The following ACTR3B variants were observed in gnomAD, a reference collection of about 807,000 sequenced individuals.
ACTR3B encodes the protein actin related protein 3B.
Under a neutral mutation model 59.0 loss-of-function variants are expected in ACTR3B, and 8 were observed. The ratio of observed to expected loss-of-function variants is 0.14; its 90% CI spans 0.08 to 0.24. ACTR3B has a LOEUF of 0.24. ACTR3B is among the 10% of genes least tolerant of loss of function. The probability of loss-of-function intolerance (pLI) is 1.00; values close to 1 mark genes in which losing one functional copy is unlikely to be tolerated. For synonymous variants in ACTR3B, 148 were observed against 197.9 expected (o/e 0.75, Z 2.12); for missense variants, 245 against 552.3 (o/e 0.44, Z 5.58).
At chr7:152,802,737 G>A (rs4726211) in intron 4 of ACTR3B, among the ~76,000 whole-genome samples, 67,339 of 151,858 alleles carry the variant, frequency 0.44, 17,552 homozygotes, top group East Asian at 0.72. Context: ...TTTCATGCAA[G>A]TACGTTGTCA....
At chr7:152,766,252 G>A (rs1210652459) in intron 1 of ACTR3B, among the ~76,000 whole-genome samples, 1 of 152,194 alleles carries the variant, frequency 6.6e-6, no homozygotes, top group Non-Finnish European at 1.5e-5. Flanking sequence ...CGTGCAGGAT[G>A]CAGTTAATTC....
Position 152,816,526 on chromosome 7 carries a change from G to A in ACTR3B, c.478G>A (p.Glu160Lys), listed in dbSNP as rs1795710220. 6.2e-7 allele frequency: 1 copy of A among 1,607,844 alleles called. No homozygotes were observed. Among genetic ancestry groups the A allele is most frequent in the Non-Finnish European group, 8.5e-7 (1 of 1,176,850 alleles). Reference protein sequence around the residue: ...AASWTSRQVGERTLTGIVIDS... With the variant: ...AASWTSRQVGKRTLTGIVIDS... ...ATCTTGGACATCTCGACAAGTGGGT[G>A]AACGTACGTTAACGGGGATAGTCAT... is the stretch of plus-strand genomic sequence containing the variant. The change falls in exon 6 of 12, where the codon GAA (glutamate) becomes AAA (lysine). Residue 160 changes from glutamate to lysine, a missense_variant. Coordinates refer to ENST00000256001, the MANE Select transcript of ACTR3B (RefSeq NM_020445.6).
chr7:152,792,671 C>T (rs1211145648), intron 2 of ACTR3B, among the ~76,000 whole-genome samples: 2 of 152,024 alleles, frequency 1.3e-5, no homozygotes, highest in Non-Finnish European at 2.9e-5. Context: ...TTGCTTGAAC[C>T]TGGGAGGTGG....
intron 1 of ACTR3B, among the ~76,000 whole-genome samples, chr7:152,764,087 C>A (rs1048224755): frequency 6.6e-6 from 1 of 151,620 alleles, no homozygotes; most frequent in Admixed American, 6.6e-5. Context: ...CTCACTACAA[C>A]CTCTGCCTCC....
At chr7:152,797,323 C>G (rs2098220864) in intron 2 of ACTR3B, among the ~76,000 whole-genome samples, 1 of 152,096 alleles carries the variant, frequency 6.6e-6, no homozygotes, top group South Asian at 2.1e-4. Flanking sequence ...TCAAGCTATC[C>G]TCCTGCCTTA....
intron 4 of ACTR3B, among the ~76,000 whole-genome samples, chr7:152,805,629 A>G (rs1314801400): frequency 2.6e-5 from 4 of 152,002 alleles, no homozygotes; most frequent in African/African-American, 9.7e-5. Context: ...CTGAATCACA[A>G]TTGCGTTATG....
At chr7:152,779,012 T>G (rs1467846158) in intron 1 of ACTR3B, among the ~76,000 whole-genome samples, 1 of 145,624 alleles carries the variant, frequency 6.9e-6, no homozygotes, top group Non-Finnish European at 1.5e-5. Context: ...TCTTCTGAAC[T>G]TCTGACCAGT....
chr7:152,803,509 C>T (rs939787993), intron 4 of ACTR3B, among the ~76,000 whole-genome samples: 1 of 152,190 alleles, frequency 6.6e-6, no homozygotes, highest in African/African-American at 2.4e-5. Context: ...ATTTTAGGAG[C>T]AGGCACCGAG....
rs530041931 is a variant in ACTR3B, at chr7:152,838,422, A to G, written c.951+13300A>G. ...AAGCTGGAAACCATCATTCTCAGCA[A>G]ACTATCACAGGAACAGAAAACCAAA... On this transcript the variant is annotated intron_variant, in intron 9 of 11. Transcript: ENST00000256001. 9.0e-4 allele frequency among the ~76,000 whole-genome samples: 137 copies of G among 152,346 alleles called. 1 individual carries two copies. Among genetic ancestry groups the G allele is most frequent in the Non-Finnish European group, 1.6e-3 (111 of 68,034 alleles).
intron 1 of ACTR3B, among the ~76,000 whole-genome samples, chr7:152,765,130 TTC>T (rs869076812): frequency 3.7e-4 from 51 of 138,900 alleles, no homozygotes; most frequent in African/African-American, 1.1e-3. Flanking sequence ...TTTTTTTTTT[TTC>T]CGGAGACAGA....
At chr7:152,788,245 T>C (rs1222634609) in intron 2 of ACTR3B, among the ~76,000 whole-genome samples, 1 of 151,976 alleles carries the variant, frequency 6.6e-6, no homozygotes, top group African/African-American at 2.4e-5. Flanking sequence ...TGTGAGCCAC[T>C]GTGCCCGGCC....
chr7:152,760,198 C>T (rs2098084928), intron 1 of ACTR3B, among the ~76,000 whole-genome samples: 1 of 152,110 alleles, frequency 6.6e-6, no homozygotes, highest in African/African-American at 2.4e-5. Flanking sequence ...TCCTCGCCTC[C>T]CCCGCCCACG....
chr7:152,835,730 A>T (rs1437468807), intron 9 of ACTR3B, among the ~76,000 whole-genome samples: 1 of 152,092 alleles, frequency 6.6e-6, no homozygotes, highest in African/African-American at 2.4e-5. Flanking sequence ...GCTTTTTCCC[A>T]CGTCATTTTG....
intron 1 of ACTR3B, among the ~76,000 whole-genome samples, chr7:152,780,593 C>A (rs1223219793): frequency 6.6e-6 from 1 of 151,848 alleles, no homozygotes; most frequent in African/African-American, 2.4e-5. Flanking sequence ...GTGCTCAAGT[C>A]TGTTTTTGTA....
chr7:152,780,074 C>T (rs760456576), intron 1 of ACTR3B, among the ~76,000 whole-genome samples: 1 of 152,094 alleles, frequency 6.6e-6, no homozygotes, highest in African/African-American at 2.4e-5. Flanking sequence ...AATATTAGGG[C>T]CAGGCACGGT....
rs1796436473 is a variant in ACTR3B at position 152,824,711 on chromosome 7, A to G, written c.859-319A>G. Among the ~76,000 whole-genome samples, 1 of 152,216 alleles carries G rather than the reference A, an allele frequency of 6.6e-6. No individual in the cohort carries two copies. The highest frequency in any genetic ancestry group is 2.4e-5 in the African/African-American group (1 of 41,442). On this transcript the variant is annotated intron_variant, in intron 8 of 11. Coordinates refer to ENST00000256001, the MANE Select transcript of ACTR3B (RefSeq NM_020445.6). This position sits in a 1 kb window ranked among gnomAD's most constrained non-coding sequence, Gnocchi z 4.2. ...TCATGTTTCTCACTGCGTGTCACAT[A>G]GATCGTGCACATACTCTCCACTGCT...
chr7:152,806,955 C>T (rs2098254022), intron 4 of ACTR3B, among the ~76,000 whole-genome samples: 1 of 152,232 alleles, frequency 6.6e-6, no homozygotes, highest in Non-Finnish European at 1.5e-5. Context: ...GCTGCTTTCA[C>T]AACTCTGGCT....
At chr7:152,804,907 A>G (rs967060473) in intron 4 of ACTR3B, among the ~76,000 whole-genome samples, 4 of 152,102 alleles carry the variant, frequency 2.6e-5, no homozygotes, top group African/African-American at 9.7e-5. Flanking sequence ...AAACTCCCAG[A>G]GCCAGTACTC....
intron 1 of ACTR3B, among the ~76,000 whole-genome samples, chr7:152,775,972 A>G (rs1195330935): frequency 6.6e-6 from 1 of 151,966 alleles, no homozygotes; most frequent in Admixed American, 6.6e-5. Flanking sequence ...TGCTTTATGC[A>G]GCTATTGATT....
Sources: allele counts gnomAD v4.1 joint callset (sites outside exome capture counted in the v4.1 genomes callset), GRCh38; gene constraint gnomAD v4.1.1; non-coding constraint Gnocchi (gnomAD v3.1); transcripts MANE v1.5; gene names NCBI Gene and HGNC (gene_info 2026-07-23, HGNC 2026-07-21).